DGKB: variants seen among roughly 807,000 people sequenced by gnomAD.
DGKB encodes the protein 90 kDa diacylglycerol kinase.
In DGKB, 67 loss-of-function variants were observed where a neutral mutation model predicts 114.3. That is an observed-to-expected ratio of 0.59 (90% confidence interval 0.48 to 0.72). The LOEUF is 0.72. DGKB is among the 30% of genes least tolerant of loss of function. The pLI, the probability that DGKB is intolerant of heterozygous loss-of-function variation, is 0.00. For missense variants in DGKB, 907 were observed against 975.2 expected (o/e 0.93, Z 0.93); for synonymous variants, 398 against 323.1 (o/e 1.23, Z -2.49).
At chr7:14,919,274 A>T (rs1784406054) in intron 1 of DGKB, among the ~76,000 whole-genome samples, 1 of 152,170 alleles carries the variant, frequency 6.6e-6, no homozygotes, top group African/African-American at 2.4e-5. Flanking sequence ...GAATAGCCAA[A>T]TTAGATATGG....
chr7:14,573,229 A>G (rs923870861), intron 20 of DGKB, among the ~76,000 whole-genome samples: 1 of 152,188 alleles, frequency 6.6e-6, no homozygotes, highest in African/African-American at 2.4e-5. Flanking sequence ...TCATTACAGT[A>G]TTAGTAACCA....
At chr7:14,221,641 A>G (rs1789993540) in intron 23 of DGKB, among the ~76,000 whole-genome samples, 1 of 151,286 alleles carries the variant, frequency 6.6e-6, no homozygotes, top group South Asian at 2.1e-4. Context: ...TTTTCTTGTT[A>G]TATCTTTATG....
At chr7:14,956,217 A>T (rs1421394123) in intron 1 of DGKB, among the ~76,000 whole-genome samples, 1 of 151,972 alleles carries the variant, frequency 6.6e-6, no homozygotes, top group Non-Finnish European at 1.5e-5. Flanking sequence ...TTTATGCATA[A>T]AGGAGATTTC....
intron 21 of DGKB, among the ~76,000 whole-genome samples, chr7:14,448,964 T>A (rs1831093017): frequency 6.6e-6 from 1 of 152,072 alleles, no homozygotes; most frequent in Admixed American, 6.6e-5. Flanking sequence ...CATGAGATAA[T>A]GTTATTTAAA....
At chr7:14,593,625 T>C (rs1361937729) in intron 17 of DGKB, among the ~76,000 whole-genome samples, 2 of 151,904 alleles carry the variant, frequency 1.3e-5, no homozygotes. Flanking sequence ...TGGAAAATTA[T>C]AACCCTTGAA....
intron 21 of DGKB, among the ~76,000 whole-genome samples, chr7:14,437,343 C>T (rs1349935779): frequency 6.6e-6 from 1 of 151,994 alleles, no homozygotes; most frequent in Non-Finnish European, 1.5e-5. Context: ...CATTAAATCT[C>T]TTTGATAATT....
At chr7:14,554,771 T>G (rs1458773361) in intron 20 of DGKB, among the ~76,000 whole-genome samples, 2 of 152,182 alleles carry the variant, frequency 1.3e-5, no homozygotes, top group Non-Finnish European at 1.5e-5. Flanking sequence ...TGCATAATTT[T>G]ATCGTTCATT....
intron 4 of DGKB, among the ~76,000 whole-genome samples, chr7:14,753,193 A>G (rs2128438783): frequency 6.6e-6 from 1 of 152,328 alleles, no homozygotes; most frequent in South Asian, 2.1e-4. Context: ...AAGCTAGTAC[A>G]TATCCAAGAT....
intron 23 of DGKB, among the ~76,000 whole-genome samples, chr7:14,241,435 C>A (rs1273725300): frequency 1.3e-5 from 2 of 150,180 alleles, no homozygotes; most frequent in East Asian, 4.0e-4. Flanking sequence ...ATGTTATGTT[C>A]CTAAACCCAA....
chr7:14,532,604 A>T lies in DGKB; in HGVS notation c.1770+41608T>A. On this transcript the variant is annotated intron_variant, in intron 20 of 25. Transcript: ENST00000402815. ...AGAAATACATAATAATAATAAATGT[A>T]TATACATATAGCAATAAATCACCAA... is the stretch of plus-strand genomic sequence containing the variant. Among the ~76,000 whole-genome samples the T allele has an allele frequency of 1.3e-5, 2 of 151,610 alleles. 1 individual carries two copies. The highest frequency in any genetic ancestry group is 4.1e-4 in the South Asian group (2 of 4,836).
At chr7:14,481,167 G>A (rs1177335622) in intron 20 of DGKB, among the ~76,000 whole-genome samples, 1 of 151,828 alleles carries the variant, frequency 6.6e-6, no homozygotes, top group Non-Finnish European at 1.5e-5. Flanking sequence ...TATGTATATA[G>A]AATAATCAGC....
At chr7:14,871,889 C>G (rs1031371010) in intron 1 of DGKB, among the ~76,000 whole-genome samples, 10 of 152,054 alleles carry the variant, frequency 6.6e-5, no homozygotes, top group African/African-American at 1.9e-4. Context: ...AGTTTTCATA[C>G]TTTTATTTTA....
intron 6 of DGKB, among the ~76,000 whole-genome samples, chr7:14,712,852 C>G (rs1827597169): frequency 5.3e-5 from 8 of 151,848 alleles, no homozygotes; most frequent in Admixed American, 5.2e-4. Flanking sequence ...TATAGTAAGA[C>G]TATTTCTTAG....
chr7:14,621,415 CTT>C lies in DGKB; in HGVS notation c.1245_1246del (p.Arg416SerfsTer68), dbSNP rs755835641. The C allele has an allele frequency of 6.2e-7, 1 of 1,611,242 alleles. No homozygotes were observed. Among genetic ancestry groups the C allele is most frequent in the Non-Finnish European group, 8.5e-7 (1 of 1,178,456 alleles). On this transcript the variant is annotated frameshift_variant, in exon 15 of 26. Coordinates refer to ENST00000402815, the MANE Select transcript of DGKB (RefSeq NM_001350709.2). LOFTEE classifies it high-confidence loss of function. ...TCCATCTACAGTAACAGAGTTGGCTCTTTGCATTTTATTCTTGTCAATCACTT... is the reference window on the plus strand; with the variant it reads ...TCCATCTACAGTAACAGAGTTGGCTCTGCATTTTATTCTTGTCAATCACTT...
At chr7:14,223,383 A>G (rs971373703) in intron 23 of DGKB, among the ~76,000 whole-genome samples, 1 of 151,724 alleles carries the variant, frequency 6.6e-6, no homozygotes, top group African/African-American at 2.4e-5. Context: ...TGAGATATAG[A>G]ACTGCTACTC....
chr7:14,587,822 T>C (rs867543289), intron 17 of DGKB, among the ~76,000 whole-genome samples: 142 of 152,144 alleles, frequency 9.3e-4, no homozygotes, highest in African/African-American at 3.2e-3. Context: ...GTATATACAT[T>C]TTTTAAACCA....
chr7:14,246,096 G>T (rs974044597), intron 23 of DGKB, among the ~76,000 whole-genome samples: 2 of 152,120 alleles, frequency 1.3e-5, no homozygotes, highest in African/African-American at 4.8e-5. Context: ...CTTAATAGGG[G>T]ACATTTCTGT....
intron 25 of DGKB, among the ~76,000 whole-genome samples, chr7:14,167,210 CAA>C (rs34278386): frequency 1.0e-5 from 1 of 99,394 alleles, no homozygotes; most frequent in Non-Finnish European, 1.9e-5. Flanking sequence ...GACTCCATCT[CAA>C]AAAAAAAAAA....
At chr7:14,910,267 A>G (rs1783923990) in intron 1 of DGKB, among the ~76,000 whole-genome samples, 1 of 96,980 alleles carries the variant, frequency 1.0e-5, no homozygotes, top group South Asian at 2.6e-4. Context: ...AGAAAGAAAG[A>G]AAGAAAGAAA....
Sources: allele counts gnomAD v4.1 joint callset (sites outside exome capture counted in the v4.1 genomes callset), GRCh38; gene constraint gnomAD v4.1.1; transcripts MANE v1.5; gene names NCBI Gene and HGNC (gene_info 2026-07-23, HGNC 2026-07-21).